Variants in MORC1 observed in about 807,000 individuals in gnomAD.
MORC1 encodes the protein MORC family CW-type zinc finger 1, also known as MORC family CW-type zinc finger protein 1.
A neutral mutation model predicts 134.9 loss-of-function variants in MORC1; 59 were observed. The observed-to-expected ratio is 0.44, with a 90% CI of 0.35 to 0.54. The LOEUF is 0.54. MORC1 is among the 20% of genes least tolerant of loss of function. MORC1 has a pLI of 0.00. For synonymous variants in MORC1, 395 were observed against 391.7 expected (o/e 1.01, Z -0.10); for missense variants, 947 against 1,134.5 (o/e 0.83, Z 2.37).
intron 19 of MORC1, 71 bp from the exon 20 acceptor site, chr3:109,004,959 G>A (rs1261953672): frequency 3.2e-6 from 5 of 1,575,828 alleles, no homozygotes; most frequent in Non-Finnish European, 4.3e-6. Flanking sequence ...AGATTGCAAT[G>A]TATATTTTAT....
At chr3:109,029,752 T>C (rs980257578) in intron 16 of MORC1, among the ~76,000 whole-genome samples, 6 of 152,238 alleles carry the variant, frequency 3.9e-5, no homozygotes, top group Non-Finnish European at 8.8e-5. Flanking sequence ...TACTGAATAC[T>C]ACCATTTGTA....
intron 14 of MORC1, among the ~76,000 whole-genome samples, chr3:109,051,453 C>T (rs1054472302): frequency 1.2e-4 from 19 of 152,188 alleles, no homozygotes; most frequent in Admixed American, 6.5e-5. Flanking sequence ...CCTTGAAGGT[C>T]ATTCTCCTTA....
intron 9 of MORC1, among the ~76,000 whole-genome samples, chr3:109,068,328 C>A (rs1013449364): frequency 6.6e-6 from 1 of 152,128 alleles, no homozygotes; most frequent in Admixed American, 6.6e-5. Context: ...ATACACTGCA[C>A]AATATGTTGT....
chr3:108,993,339 T>C (rs577477385), intron 21 of MORC1, among the ~76,000 whole-genome samples: 1 of 152,348 alleles, frequency 6.6e-6, no homozygotes, highest in South Asian at 2.1e-4. Context: ...AGATTCCTTA[T>C]AAGTCATCCA....
intron 10 of MORC1, among the ~76,000 whole-genome samples, chr3:109,062,285 G>A (rs949557151): frequency 6.6e-6 from 1 of 152,098 alleles, no homozygotes; most frequent in Non-Finnish European, 1.5e-5. Context: ...TATAAATTCA[G>A]AAGTCATGAG....
At chr3:109,018,671 C>T (rs950466004) in intron 17 of MORC1, among the ~76,000 whole-genome samples, 2 of 152,124 alleles carry the variant, frequency 1.3e-5, no homozygotes, top group Non-Finnish European at 2.9e-5. Context: ...TCCATTGCTC[C>T]AGGGGTAAAA....
At position 109,077,675 on chromosome 3, in the gene MORC1, A is replaced by T. The variant is rs142934285; in HGVS notation, c.690-7918T>A. Among the ~76,000 whole-genome samples the T allele has an allele frequency of 1.9e-3, 283 of 152,228 alleles. 3 individuals are homozygous for T. Among genetic ancestry groups the T allele is most frequent in the African/African-American group, 6.0e-3 (251 of 41,584 alleles). ...ATCAAAAAGTGGGGAGAGAAAAAAT[A>T]AAGCAGAATAAAATAAATTAAAAAA... On this transcript the variant is annotated intron_variant, in intron 8 of 27. Transcript: ENST00000232603.
At position 109,093,426 on chromosome 3, in the gene MORC1, A is replaced by T. The variant is rs1430431584; in HGVS notation, c.689+10T>A. On this transcript the variant is annotated intron_variant, in intron 8 of 27. Coordinates refer to ENST00000232603, the MANE Select transcript of MORC1 (RefSeq NM_014429.4). ...ATTGTTGAAAAACATTCTGTCAAACACACACATACTCCTCCAGAGCTCCAG... is the reference window on the plus strand; with the variant it reads ...ATTGTTGAAAAACATTCTGTCAAACTCACACATACTCCTCCAGAGCTCCAG... 6.3e-7 allele frequency: 1 copy of T among 1,596,924 alleles called. No individual in the cohort carries two copies. The highest frequency in any genetic ancestry group is 1.7e-5 in the Admixed American group (1 of 59,830).
chr3:108,971,347 G>A lies in MORC1; in HGVS notation c.2533C>T (p.Pro845Ser), dbSNP rs762064085. ...EHQLPSELEEPALSCELEQCP... is the reference protein window; with the variant it reads ...EHQLPSELEESALSCELEQCP... ...CAGCTTACCTCACAACTTAATGCAG[G>A]TTCTTCCAATTCTGATGGTAGCTGA... is the stretch of plus-strand genomic sequence containing the variant. Residue 845 changes from proline (P) to serine (S), a missense_variant, in exon 25 of 28, where the codon CCT becomes TCT. Coordinates refer to ENST00000232603, the MANE Select transcript of MORC1 (RefSeq NM_014429.4). 1 of 1,613,434 alleles carries A rather than the reference G, an allele frequency of 6.2e-7. No individual in the cohort carries two copies. The highest frequency in any genetic ancestry group is 8.5e-7 in the Non-Finnish European group (1 of 1,179,620).
intron 17 of MORC1, among the ~76,000 whole-genome samples, chr3:109,009,183 T>G (rs1201563216): frequency 6.6e-6 from 1 of 151,538 alleles, no homozygotes; most frequent in Non-Finnish European, 1.5e-5. Context: ...TCCTGAGTTC[T>G]TTCCTATTTT....
At chr3:109,026,538 G>C (rs1171196650) in intron 17 of MORC1, among the ~76,000 whole-genome samples, 1 of 152,124 alleles carries the variant, frequency 6.6e-6, no homozygotes, top group Non-Finnish European at 1.5e-5. Context: ...GGCTATCACT[G>C]CTATAGAAAA....
chr3:109,046,596 C>T (rs969444488), intron 14 of MORC1, among the ~76,000 whole-genome samples: 1 of 152,094 alleles, frequency 6.6e-6, no homozygotes, highest in Non-Finnish European at 1.5e-5. Flanking sequence ...ATACATGAAG[C>T]CTACTGACTA....
Position 109,116,240 on chromosome 3 carries a change from TC to T in MORC1, c.65+1754del, listed in dbSNP as rs140754667. Among the ~76,000 whole-genome samples the T allele has an allele frequency of 4.3e-3, 662 of 152,256 alleles. 15 individuals are homozygous for T. Among genetic ancestry groups the T allele is most frequent in the African/African-American group, 0.015 (634 of 41,556 alleles). On this transcript the variant is annotated intron_variant, in intron 1 of 27. Coordinates refer to ENST00000232603, the MANE Select transcript of MORC1 (RefSeq NM_014429.4). ...TTTAAAAAGCTCACTCTGGCAGCTT[TC>T]CAGGAAAATGGACCATCTAGCAGCC...
At chr3:109,043,994 A>G (rs1388381896) in intron 14 of MORC1, among the ~76,000 whole-genome samples, 1 of 152,206 alleles carries the variant, frequency 6.6e-6, no homozygotes. Context: ...TACTACTACA[A>G]AGAGTAGATG....
chr3:109,023,903 G>A (rs1559900415), intron 17 of MORC1, among the ~76,000 whole-genome samples: 1 of 152,202 alleles, frequency 6.6e-6, no homozygotes, highest in Non-Finnish European at 1.5e-5. Flanking sequence ...AGCAGGTAAT[G>A]TGGAATGAAG....
chr3:109,097,400 T>C (rs951745518), intron 6 of MORC1, among the ~76,000 whole-genome samples: 1 of 152,236 alleles, frequency 6.6e-6, no homozygotes, highest in Non-Finnish European at 1.5e-5. Context: ...GGTCTCCAGA[T>C]ATTTTGCCCC....
chr3:109,110,660 G>T, intron 3 of MORC1, 89 bp downstream of exon 3: 1 of 1,082,728 alleles, frequency 9.2e-7, no homozygotes, highest in South Asian at 1.5e-5. Context: ...TCTATAGAAT[G>T]TGGTTTTATT....
chr3:109,114,491 T>A, intron 1 of MORC1, 54 bp from the exon 2 acceptor site: 1 of 1,477,282 alleles, frequency 6.8e-7, no homozygotes, highest in Non-Finnish European at 9.4e-7. Flanking sequence ...GTAATCAATG[T>A]AAAAGCTTTA....
At chr3:108,963,303 C>T (rs567374229) in intron 27 of MORC1, 111 bp downstream of exon 27, 5 of 847,224 alleles carry the variant, frequency 5.9e-6, no homozygotes, top group African/African-American at 5.2e-5. Flanking sequence ...TAAGGGCTGA[C>T]TTAAGTGACT....
Sources: gnomAD v4.1 joint callset for allele counts (sites outside exome capture counted in the v4.1 genomes callset) on GRCh38, gnomAD v4.1.1 for gene constraint, MANE v1.5 for transcripts, NCBI Gene and HGNC (gene_info 2026-07-23, HGNC 2026-07-21) for gene names.